The following SGCD variants were observed in gnomAD, a reference collection of about 807,000 sequenced individuals.
SGCD encodes the protein sarcoglycan delta.
Under a neutral mutation model 36.6 loss-of-function variants are expected in SGCD, and 18 were observed. That is an observed-to-expected ratio of 0.49 (90% CI 0.34 to 0.73). The LOEUF is 0.73. Among genes scored for constraint, SGCD ranks in the 30% least tolerant of loss-of-function variants. The pLI is 0.01. For synonymous variants in SGCD, 133 were observed against 130.6 expected, an observed-to-expected ratio of 1.02 and a Z score of -0.12; for missense variants, 387 against 346.7, an observed-to-expected ratio of 1.12 and a Z score of -0.92.
At chr5:155,884,060 A>G (rs1755949236) in intron 1 of SGCD, among the ~76,000 whole-genome samples, 1 of 152,138 alleles carries the variant, frequency 6.6e-6, no homozygotes, top group Non-Finnish European at 1.5e-5. Context: ...CAATGTTATT[A>G]GCACCTCTAT....
At chr5:156,547,105 C>T (rs1758605968) in intron 4 of SGCD, among the ~76,000 whole-genome samples, 1 of 152,148 alleles carries the variant, frequency 6.6e-6, no homozygotes, top group Non-Finnish European at 1.5e-5. Flanking sequence ...CCCATTTACC[C>T]ACTACAGAGG....
chr5:156,192,302 A>T (rs1289666237), intron 3 of SGCD, among the ~76,000 whole-genome samples: 1 of 152,206 alleles, frequency 6.6e-6, no homozygotes, highest in Non-Finnish European at 1.5e-5. Context: ...ATTCCAGTAT[A>T]TATATACAAA....
At chr5:156,001,603 A>C (rs1182181467) in intron 1 of SGCD, among the ~76,000 whole-genome samples, 2 of 152,176 alleles carry the variant, frequency 1.3e-5, no homozygotes, top group East Asian at 3.9e-4. Context: ...CCAAATACTT[A>C]AGTTCTGTAA....
intron 1 of SGCD, among the ~76,000 whole-genome samples, chr5:156,038,816 C>G: frequency 6.6e-6 from 1 of 152,138 alleles, no homozygotes; most frequent in East Asian, 1.9e-4. Context: ...GCTCTTTCTC[C>G]CATACCACAC....
chr5:155,977,955 G>A (rs530265108), intron 1 of SGCD, among the ~76,000 whole-genome samples: 4 of 152,210 alleles, frequency 2.6e-5, no homozygotes, highest in African/African-American at 7.2e-5. Context: ...CTAGCTGGAC[G>A]TGGTGGTGCA....
intron 1 of SGCD, among the ~76,000 whole-genome samples, chr5:156,098,639 T>TACACACAC (rs35247485): frequency 1.5e-3 from 223 of 149,400 alleles, no homozygotes; most frequent in African/African-American, 5.0e-3. Flanking sequence ...TGCATGTGTA[T>TACACACAC]ACACACACAC....
the SGCD span, among the ~76,000 whole-genome samples, chr5:155,802,905 A>T: frequency 7.9e-5 from 12 of 152,186 alleles, no homozygotes; most frequent in Admixed American, 5.9e-4. Flanking sequence ...CTCCTTTGGG[A>T]GAATGGTGTC....
intron 3 of SGCD, among the ~76,000 whole-genome samples, chr5:156,137,562 G>A (rs919778622): frequency 2.0e-5 from 3 of 151,540 alleles, no homozygotes; most frequent in Admixed American, 6.6e-5. Flanking sequence ...AATAAGATTC[G>A]ACTATTTAAA....
intron 1 of SGCD, among the ~76,000 whole-genome samples, chr5:156,069,023 G>C (rs973811727): frequency 3.9e-5 from 6 of 152,026 alleles, no homozygotes; most frequent in Non-Finnish European, 8.8e-5. Flanking sequence ...CTGGATATTA[G>C]CCCTTTGTCA....
At chr5:156,004,071 G>A (rs762399043) in intron 1 of SGCD, among the ~76,000 whole-genome samples, 3 of 152,122 alleles carry the variant, frequency 2.0e-5, no homozygotes, top group Non-Finnish European at 4.4e-5. Context: ...GATTAAGAAA[G>A]AAGAAAATTA....
At chr5:156,017,831 A>G (rs1759017226) in intron 1 of SGCD, among the ~76,000 whole-genome samples, 1 of 152,190 alleles carries the variant, frequency 6.6e-6, no homozygotes, top group East Asian at 1.9e-4. Flanking sequence ...AAAAAGAACC[A>G]TCATCTCCTC....
intron 4 of SGCD, among the ~76,000 whole-genome samples, chr5:156,524,030 A>G (rs144768163): frequency 3.9e-4 from 55 of 142,002 alleles, no homozygotes; most frequent in Middle Eastern, 3.7e-3. Flanking sequence ...TGCTTTTGTT[A>G]CATGTTATTT....
At chr5:156,080,834 A>G (rs1383543892) in intron 1 of SGCD, among the ~76,000 whole-genome samples, 1 of 152,128 alleles carries the variant, frequency 6.6e-6, no homozygotes, top group African/African-American at 2.4e-5. Context: ...AAAAATTCCA[A>G]ACTTTCCCCA....
intron 6 of SGCD, among the ~76,000 whole-genome samples, chr5:156,645,210 A>G (rs1271615199): frequency 1.3e-5 from 2 of 152,178 alleles, no homozygotes; most frequent in African/African-American, 4.8e-5. Flanking sequence ...TTGCCAGTAA[A>G]TTATATTGTG....
In SGCD at chr5:156,764,903, G is replaced by C. The variant is rs1051452902; in HGVS notation, c.*5513G>C. On this transcript the variant is annotated 3_prime_UTR_variant, in exon 9 of 9. Coordinates refer to ENST00000337851, the MANE Select transcript of SGCD (RefSeq NM_000337.6). The stretch of plus-strand genomic sequence containing the variant: ...CATTTTGAGATATGCAGGTGGAATA[G>C]AACAAAGAAACAGCCACTGTAATCG... 1 of 152,158 alleles carries C rather than the reference G, an allele frequency of 6.6e-6. No homozygotes were observed. Among genetic ancestry groups the C allele is most frequent in the African/African-American group, 2.4e-5 (1 of 41,436 alleles). 9.4% of individuals were successfully genotyped at this position (152,158 alleles called of 1,614,324 possible). A position where few individuals can be genotyped will look rare whatever the true frequency, so the allele number is the denominator to read the frequency against.
chr5:155,730,475 G>GTGTGTGTGTGTGT, the SGCD span, among the ~76,000 whole-genome samples: 19 of 151,296 alleles, frequency 1.3e-4, no homozygotes, highest in South Asian at 2.1e-4. Context: ...GTGTGTGTGT[G>GTGTGTGTGTGTGT]GCGAGGGGAA....
intron 1 of SGCD, among the ~76,000 whole-genome samples, chr5:155,900,531 G>A (rs1165032311): frequency 2.6e-5 from 4 of 150,952 alleles, no homozygotes; most frequent in African/African-American, 7.3e-5. Context: ...CCACTAACTC[G>A]TCATCTAGCA....
chr5:156,351,897 T>C (rs1407271712), intron 3 of SGCD, among the ~76,000 whole-genome samples: 1 of 152,066 alleles, frequency 6.6e-6, no homozygotes, highest in African/African-American at 2.4e-5. Flanking sequence ...ATGCCATGAG[T>C]GTCAGAAACT....
chr5:156,312,640 A>G (rs969467320), intron 3 of SGCD, among the ~76,000 whole-genome samples: 4 of 152,128 alleles, frequency 2.6e-5, no homozygotes, highest in African/African-American at 7.2e-5. Flanking sequence ...TCTCTTACCC[A>G]CTATTCCACT....
Sources: gnomAD v4.1 joint callset for allele counts (sites outside exome capture counted in the v4.1 genomes callset) on GRCh38, gnomAD v4.1.1 for gene constraint, MANE v1.5 for transcripts, NCBI Gene and HGNC (gene_info 2026-07-23, HGNC 2026-07-21) for gene names.